Variants in GLT8D2 observed in about 807,000 individuals in gnomAD.
GLT8D2 encodes the protein glycosyltransferase 8 domain containing 2, also known as glycosyltransferase 8 domain-containing protein 2.
Under a neutral mutation model 44.5 loss-of-function variants are expected in GLT8D2, and 45 were observed. The ratio of observed to expected loss-of-function variants is 1.01; its 90% CI spans 0.80 to 1.30. GLT8D2 has a LOEUF of 1.30. GLT8D2 is among the 50% of genes most tolerant of loss of function. The probability of loss-of-function intolerance (pLI) is 0.00; values close to 1 mark genes in which losing one functional copy is unlikely to be tolerated. For synonymous variants in GLT8D2, 156 were observed against 157.2 expected, an observed-to-expected ratio of 0.99 and a Z score of 0.06; for missense variants, 400 against 430.4, an observed-to-expected ratio of 0.93 and a Z score of 0.62.
At chr12:104,045,915 GA>G (rs1881046049) in intron 1 of GLT8D2, among the ~76,000 whole-genome samples, 1 of 143,864 alleles carries the variant, frequency 7.0e-6, no homozygotes, top group Non-Finnish European at 1.5e-5. Flanking sequence ...AAGAAAGAAA[GA>G]AAGAAAGAAA....
At chr12:104,059,743 C>T (rs1042038899) in intron 1 of GLT8D2, among the ~76,000 whole-genome samples, 8 of 152,040 alleles carry the variant, frequency 5.3e-5, no homozygotes, top group African/African-American at 9.6e-5. Flanking sequence ...TTTTTCCTTC[C>T]CAGCCTCAAT....
At chr12:104,018,432 C>T (rs1319098357) in intron 3 of GLT8D2, among the ~76,000 whole-genome samples, 1 of 152,148 alleles carries the variant, frequency 6.6e-6, no homozygotes, top group Non-Finnish European at 1.5e-5. Flanking sequence ...ATTTTGCTGA[C>T]ACCCAGTTCC....
chr12:104,046,274 A>G (rs1249572135), intron 1 of GLT8D2, among the ~76,000 whole-genome samples: 1 of 151,664 alleles, frequency 6.6e-6, no homozygotes, highest in Non-Finnish European at 1.5e-5. Flanking sequence ...TATTATTTTA[A>G]CACTTACGTA....
At chr12:104,059,416 G>T (rs1469377055) in intron 1 of GLT8D2, among the ~76,000 whole-genome samples, 1 of 152,124 alleles carries the variant, frequency 6.6e-6, no homozygotes, top group Non-Finnish European at 1.5e-5. Flanking sequence ...CATGGTCCAA[G>T]ATGGCTGCTC....
chr12:104,015,192 C>T (rs1876392289), intron 3 of GLT8D2, 87 bp from the exon 4 acceptor site: 2 of 894,464 alleles, frequency 2.2e-6, no homozygotes, highest in Non-Finnish European at 3.6e-6. Context: ...CGAGTAGGTG[C>T]CTTCCATGAC....
intron 1 of GLT8D2, among the ~76,000 whole-genome samples, chr12:104,049,694 G>C (rs1487802485): frequency 6.6e-6 from 1 of 152,200 alleles, no homozygotes; most frequent in Non-Finnish European, 1.5e-5. Context: ...ATTGCACACT[G>C]GATTTGCTGG....
intron 1 of GLT8D2, among the ~76,000 whole-genome samples, chr12:104,033,057 T>C (rs377066084): frequency 6.6e-6 from 1 of 152,076 alleles, no homozygotes; most frequent in East Asian, 1.9e-4. Context: ...TTTTTGTATA[T>C]TTTTAGTAGA....
intron 10 of GLT8D2, among the ~76,000 whole-genome samples, chr12:103,991,701 C>T (rs1872756773): frequency 6.6e-6 from 1 of 152,040 alleles, no homozygotes; most frequent in Non-Finnish European, 1.5e-5. Context: ...ACTAACTTCC[C>T]TGTGGCACTC....
At chr12:104,011,286 A>G (rs925134606) in intron 4 of GLT8D2, among the ~76,000 whole-genome samples, 1 of 152,222 alleles carries the variant, frequency 6.6e-6, no homozygotes, top group African/African-American at 2.4e-5. Flanking sequence ...AAGCATTAAA[A>G]TGTTGGCTAT....
chr12:103,998,899 G>A (rs1220395528), intron 6 of GLT8D2, among the ~76,000 whole-genome samples: 3 of 152,148 alleles, frequency 2.0e-5, no homozygotes, highest in Non-Finnish European at 4.4e-5. Context: ...AACTCTTGCA[G>A]TAAAATACCT....
upstream of GLT8D2, among the ~76,000 whole-genome samples, chr12:104,055,139 G>A (rs138799635): frequency 2.2e-4 from 34 of 152,282 alleles, no homozygotes; most frequent in Non-Finnish European, 4.1e-4. Context: ...CAGCAAGAGC[G>A]GCCCTCCCAC....
upstream of GLT8D2, among the ~76,000 whole-genome samples, chr12:104,051,823 T>C (rs536470916): frequency 6.6e-5 from 10 of 152,278 alleles, no homozygotes; most frequent in African/African-American, 2.4e-4. Flanking sequence ...AAACACTAAA[T>C]TTAAGCAGAA....
intron 1 of GLT8D2, among the ~76,000 whole-genome samples, chr12:104,034,071 T>A (rs1341891102): frequency 6.6e-6 from 1 of 152,230 alleles, no homozygotes; most frequent in African/African-American, 2.4e-5. Context: ...TAATATTTGA[T>A]AAAATGTTCT....
At chr12:104,006,990 C>T (rs1875105351) in intron 4 of GLT8D2, among the ~76,000 whole-genome samples, 1 of 152,164 alleles carries the variant, frequency 6.6e-6, no homozygotes, top group Non-Finnish European at 1.5e-5. Flanking sequence ...CCTCTCCTAT[C>T]CCCATTCTAG....
intron 3 of GLT8D2, 53 bp downstream of exon 3, chr12:104,019,577 C>T: frequency 7.0e-7 from 1 of 1,432,546 alleles, no homozygotes; most frequent in Admixed American, 1.8e-5. Flanking sequence ...AGCCTCAAAA[C>T]CATCCTCCCA....
Position 104,013,423 on chromosome 12 carries a change from A to G in GLT8D2, c.112+1590T>C, listed in dbSNP as rs565208272. Among the ~76,000 whole-genome samples the G allele has an allele frequency of 9.9e-5, 15 of 152,282 alleles. No homozygotes were observed. In the South Asian group the frequency reaches 3.1e-3, roughly 32 times the overall value. On this transcript the variant is annotated intron_variant, in intron 4 of 10. Transcript: ENST00000360814. ...GTCGAAAAGTATTTCATTGTGTGAGATAAATTACATTTTTTGTATCCCTCA... is the reference window on the plus strand; with the variant it reads ...GTCGAAAAGTATTTCATTGTGTGAGGTAAATTACATTTTTTGTATCCCTCA...
rs772543286 is a variant in GLT8D2, at chr12:103,999,415, C to T, written c.384G>A (p.Arg128=). ...LKGKIRPDSS[R]PELLQPLNFV... ...TACTTACAGGCTGGAGCAATTCAGG[C>T]CTCGATGAGTCTGGTCTGATCTTCC... is the stretch of plus-strand genomic sequence containing the variant. Residue 128 remains arginine, a synonymous_variant, in exon 6 of 11, where the codon AGG becomes AGA. Coordinates refer to ENST00000360814, the MANE Select transcript of GLT8D2 (RefSeq NM_001384711.1). 1.2e-6 allele frequency: 2 copies of T among 1,609,030 alleles called. No homozygotes were observed. The highest frequency in any genetic ancestry group is 1.7e-6 in the Non-Finnish European group (2 of 1,175,416).
intron 1 of GLT8D2, among the ~76,000 whole-genome samples, chr12:104,022,050 G>GGGA (rs2136388220): frequency 1.9e-5 from 2 of 103,778 alleles, no homozygotes; most frequent in South Asian, 3.1e-4. Flanking sequence ...AGAAGAAGAA[G>GGGA]AAGAAGGGAA....
chr12:104,016,766 A>AAG (rs1566199604), intron 3 of GLT8D2, among the ~76,000 whole-genome samples: 10 of 80,994 alleles, frequency 1.2e-4, no homozygotes, highest in African/African-American at 5.6e-4. Context: ...AAAGAAAGAA[A>AAG]GAAAGAAAGA....
Sources: gnomAD v4.1 joint callset for allele counts (sites outside exome capture counted in the v4.1 genomes callset) on GRCh38, gnomAD v4.1.1 for gene constraint, MANE v1.5 for transcripts, NCBI Gene and HGNC (gene_info 2026-07-23, HGNC 2026-07-21) for gene names.